SYNPR: variants seen among roughly 807,000 people sequenced by gnomAD.
The protein encoded by SYNPR is synaptoporin.
Under a neutral mutation model 32.9 loss-of-function variants are expected in SYNPR, and 23 were observed. That is an observed-to-expected ratio of 0.70 (90% CI 0.50 to 0.99). SYNPR has a LOEUF of 0.99. SYNPR is among the 50% of genes least tolerant of loss of function. The pLI, the probability that SYNPR is intolerant of heterozygous loss-of-function variation, is 0.00. For missense variants in SYNPR, 318 were observed against 349.3 expected (o/e 0.91, Z 0.71); for synonymous variants, 146 against 135.9 (o/e 1.07, Z -0.52).
At chr3:63,486,015 T>C (rs901978296) in intron 3 of SYNPR, among the ~76,000 whole-genome samples, 4 of 152,216 alleles carry the variant, frequency 2.6e-5, no homozygotes, top group African/African-American at 9.6e-5. Flanking sequence ...TTTTGTTTAT[T>C]CTCATGCCTC....
chr3:63,273,833 A>T (rs9311863), upstream of SYNPR, among the ~76,000 whole-genome samples: 116,114 of 152,090 alleles, frequency 0.76, 44,999 homozygotes, highest in Middle Eastern at 0.87. Flanking sequence ...TTTGCATCCA[A>T]TTAAGACACA....
chr3:63,339,297 T>C (rs2087334255), intron 2 of SYNPR, among the ~76,000 whole-genome samples: 1 of 152,224 alleles, frequency 6.6e-6, no homozygotes, highest in Admixed American at 6.5e-5. Context: ...TGCATTCTGC[T>C]GGAAAGAGAC....
intron 2 of SYNPR, among the ~76,000 whole-genome samples, chr3:63,341,916 A>G (rs910557498): frequency 2.6e-5 from 4 of 152,122 alleles, no homozygotes; most frequent in African/African-American, 9.7e-5. Context: ...TTGGTGTTGC[A>G]TCTAGAAAGC....
intron 3 of SYNPR, among the ~76,000 whole-genome samples, chr3:63,494,172 C>T (rs1439444510): frequency 2.6e-5 from 4 of 150,948 alleles, no homozygotes; most frequent in African/African-American, 9.7e-5. Flanking sequence ...TCTATTATGA[C>T]ATACATTACT....
intron 2 of SYNPR, among the ~76,000 whole-genome samples, chr3:63,389,846 A>G (rs1461861708): frequency 6.6e-6 from 1 of 152,208 alleles, no homozygotes; most frequent in African/African-American, 2.4e-5. Context: ...AGTGGAGCAG[A>G]TGATTCTGAC....
At chr3:63,292,488 A>C (rs2086749663) in intron 2 of SYNPR, among the ~76,000 whole-genome samples, 2 of 152,212 alleles carry the variant, frequency 1.3e-5, no homozygotes. Context: ...GTAATAGAAA[A>C]AATACTTGGA....
intron 2 of SYNPR, among the ~76,000 whole-genome samples, chr3:63,426,149 T>C (rs1699889346): frequency 6.6e-6 from 1 of 152,202 alleles, no homozygotes; most frequent in Non-Finnish European, 1.5e-5. Flanking sequence ...GCTATAAGTA[T>C]GCCCATTATG....
In SYNPR at chr3:63,438,339, T is replaced by C. The variant is rs1406547907; in HGVS notation, c.85-42493T>C. ...CTTTTCCCTCTACTTTCAGCTTCAG[T>C]GTAGAAATTTTTTAATAAAATTATG... On this transcript the variant is annotated intron_variant, in intron 2 of 5. Coordinates refer to ENST00000478300, the MANE Select transcript of SYNPR (RefSeq NM_001130003.2). 3.9e-5 allele frequency among the ~76,000 whole-genome samples: 6 copies of C among 152,308 alleles called. No individual in the cohort carries two copies. In the South Asian group the frequency reaches 8.3e-4, roughly 21 times the overall value.
At position 63,237,651 on chromosome 3, in the gene SYNPR, G is replaced by C. The variant is rs181495835; in HGVS notation, n.66+9271G>C. Reference sequence around the variant, plus strand: ...TGAACATTTTGTCTATTATGTTAGGGGACTCAAGGTCCTAGTTAAATCTTC... The same window carrying C: ...TGAACATTTTGTCTATTATGTTAGGCGACTCAAGGTCCTAGTTAAATCTTC... On this transcript the variant is annotated intron_variant and non_coding_transcript_variant, in intron 1 of 4. Transcript: ENST00000478456. Among the ~76,000 whole-genome samples, 437 of 151,660 alleles carry C rather than the reference G, an allele frequency of 2.9e-3. 3 individuals carry two copies. Among genetic ancestry groups the C allele is most frequent in the African/African-American group, 0.01 (423 of 41,382 alleles).
intron 3 of SYNPR, among the ~76,000 whole-genome samples, chr3:63,551,245 C>G (rs1702494975): frequency 6.6e-6 from 1 of 152,146 alleles, no homozygotes; most frequent in Non-Finnish European, 1.5e-5. Context: ...TAGCATGTAT[C>G]AGTACTTTAC....
intron 2 of SYNPR, among the ~76,000 whole-genome samples, chr3:63,306,060 C>T (rs1391480770): frequency 6.6e-6 from 1 of 152,020 alleles, no homozygotes; most frequent in Non-Finnish European, 1.5e-5. Flanking sequence ...AACAAATTTT[C>T]AGCTTCTCCT....
At chr3:63,352,615 T>C (rs191233254) in intron 2 of SYNPR, among the ~76,000 whole-genome samples, 93 of 152,318 alleles carry the variant, frequency 6.1e-4, no homozygotes, top group Non-Finnish European at 1.2e-3. Flanking sequence ...CACCTAGGTT[T>C]GCAGAAACAA....
intron 2 of SYNPR, among the ~76,000 whole-genome samples, chr3:63,358,160 T>A (rs1323410904): frequency 6.6e-6 from 1 of 152,216 alleles, no homozygotes; most frequent in East Asian, 1.9e-4. Flanking sequence ...GAATGATGAA[T>A]TCATTTCCTG....
chr3:63,256,826 A>T (rs1288720080), intron 2 of SYNPR, among the ~76,000 whole-genome samples: 1 of 152,182 alleles, frequency 6.6e-6, no homozygotes, highest in African/African-American at 2.4e-5. Context: ...ATTGAAAAAA[A>T]ATTAGACGAA....
At chr3:63,362,122 C>T (rs934124437) in intron 2 of SYNPR, among the ~76,000 whole-genome samples, 1 of 152,170 alleles carries the variant, frequency 6.6e-6, no homozygotes, top group Non-Finnish European at 1.5e-5. Flanking sequence ...CTGCCATCTT[C>T]CCCCTCCTGC....
intron 4 of SYNPR, among the ~76,000 whole-genome samples, chr3:63,570,963 C>T (rs1702875152): frequency 6.6e-6 from 1 of 152,076 alleles, no homozygotes; most frequent in African/African-American, 2.4e-5. Flanking sequence ...AACATAGAAA[C>T]ATATAAAAGA....
At chr3:63,553,634 T>C (rs556419977) in intron 3 of SYNPR, among the ~76,000 whole-genome samples, 80 of 152,348 alleles carry the variant, frequency 5.3e-4, no homozygotes, top group African/African-American at 1.9e-3. Flanking sequence ...TATTATCTCA[T>C]CATGGTTTTG....
chr3:63,448,671 T>A (rs966306929), intron 2 of SYNPR, among the ~76,000 whole-genome samples: 1 of 152,222 alleles, frequency 6.6e-6, no homozygotes, highest in Non-Finnish European at 1.5e-5. Flanking sequence ...TGTCACTTTT[T>A]TTTTATTTAA....
At position 63,316,509 on chromosome 3, in the gene SYNPR, A is replaced by G. The variant is rs113589079; in HGVS notation, c.84+37767A>G. Among the ~76,000 whole-genome samples the G allele has an allele frequency of 2.6e-5, 4 of 152,020 alleles. No homozygotes were observed. In the East Asian group the frequency reaches 7.8e-4, roughly 30 times the overall value. On this transcript the variant is annotated intron_variant, in intron 2 of 5. Coordinates refer to ENST00000478300, the MANE Select transcript of SYNPR (RefSeq NM_001130003.2). ...TTTATCCATCTCTTCTAGGTTTTCT[A>G]GTTTATGGGCGTAAAGGTGTTCATA...
Sources: allele counts gnomAD v4.1 joint callset (sites outside exome capture counted in the v4.1 genomes callset), GRCh38; gene constraint gnomAD v4.1.1; transcripts MANE v1.5; gene names NCBI Gene and HGNC (gene_info 2026-07-23, HGNC 2026-07-21).